The following APOB variants were observed in gnomAD, a reference collection of about 807,000 sequenced individuals.
The protein encoded by APOB is apolipoprotein B.
A neutral mutation model predicts 314.1 loss-of-function variants in APOB; 153 were observed. The ratio of observed to expected loss-of-function variants is 0.49; its 90% CI spans 0.43 to 0.56. The LOEUF is 0.56. Ranked by LOEUF, APOB falls within the 20% of genes least tolerant of loss-of-function variation. The pLI is 0.00. For missense variants in APOB, 5,430 were observed against 5,350.7 expected, an observed-to-expected ratio of 1.01 and a Z score of -0.46; for synonymous variants, 2,087 against 2,036.4, an observed-to-expected ratio of 1.02 and a Z score of -0.67.
At chr2:21,014,835 T>C (rs1445046948) in intron 23 of APOB, among the ~76,000 whole-genome samples, 1 of 152,238 alleles carries the variant, frequency 6.6e-6, no homozygotes, top group African/African-American at 2.4e-5. Context: ...CTTCCTTTGA[T>C]ACCACTAGGC....
Position 21,008,927 on chromosome 2 carries a change from T to C in APOB, c.7941A>G (p.Thr2647=), listed in dbSNP as rs1663226746. Residue 2647 remains threonine (T), a synonymous_variant, in exon 26 of 29, where the codon ACA becomes ACG. Transcript: ENST00000233242. The part of the protein sequence containing the change: ...KNIKIPSRFS[T]PEFTILNTFH... ...AGGTGTTAAGGATGGTAAATTCTGG[T>C]GTGGAAAACCTGGATGGGATTTTTA... 3 of 1,613,930 alleles carry C rather than the reference T, an allele frequency of 1.9e-6. No homozygotes were observed. Among genetic ancestry groups the C allele is most frequent in the Admixed American group, 1.7e-5 (1 of 60,000 alleles).
chr2:21,004,762 T>TA, intron 26 of APOB, 87 bp from the exon 27 acceptor site: 1 of 1,011,740 alleles, frequency 9.9e-7, no homozygotes, highest in South Asian at 1.3e-5. Context: ...AATTCTATCC[T>TA]AACCAGATAT....
In APOB at chr2:21,010,544, T is replaced by C; in HGVS notation, c.6324A>G (p.Val2108=). The change falls in exon 26 of 29, where the codon GTA becomes GTG. Residue 2108 remains valine (V), a synonymous_variant. Transcript: ENST00000233242. ...NLKHINIDQF[V]RKYRAALGKL... ...TTCCCAGGGCTGCTCTGTATTTTCT[T>C]ACAAATTGATCAATATTGATGTGCT... The C allele has an allele frequency of 6.2e-7, 1 of 1,610,136 alleles. No individual in the cohort carries two copies. Among genetic ancestry groups the C allele is most frequent in the Non-Finnish European group, 8.5e-7 (1 of 1,177,156 alleles).
At position 21,029,715 on chromosome 2, in the gene APOB, A is replaced by T; in HGVS notation, c.1541T>A (p.Val514Asp). 1 of 1,614,112 alleles carries T rather than the reference A, an allele frequency of 6.2e-7. No homozygotes were observed. Among genetic ancestry groups the T allele is most frequent in the Non-Finnish European group, 8.5e-7 (1 of 1,180,010 alleles). Residue 514 changes from valine to aspartate, a missense_variant, in exon 12 of 29, where the codon GTC becomes GAC. Val to Asp is a radical substitution (Grantham distance 152). This residue lies in a region of APOB where 2,085 missense variants were observed against 2,079.7 expected (regional missense o/e 1.00). Transcript: ENST00000233242. ...PELKSSILKC[V>D]QSTKPSLMIQ... is the part of the protein sequence containing the mutation. ...CATCAGTGATGGCTTTGTACTTTGG[A>T]CACATTTCAGGATTGAAGACTTGAG... is the stretch of plus-strand genomic sequence containing the variant.
chr2:21,014,377 TA>T, intron 24 of APOB, 70 bp downstream of exon 24: 1 of 1,567,958 alleles, frequency 6.4e-7, no homozygotes, highest in East Asian at 2.2e-5. Context: ...AAAAAATGTC[TA>T]AATCATGCTA....
rs1379227591 is a variant in APOB at position 21,010,581 on chromosome 2, T to C, written c.6287A>G (p.Gln2096Arg). ...QTIIVVLENV[Q>R]RNLKHINIDQ... is the part of the protein sequence containing the mutation. ...AATATTGATGTGCTTCAGGTTTCTC[T>C]GTACGTTTTCCAGTACAACTATAAT... Residue 2096 changes from glutamine to arginine, a missense_variant, in exon 26 of 29, where the codon CAG becomes CGG. Physicochemically the swap from Gln to Arg is conservative, Grantham distance 43. Coordinates refer to ENST00000233242, the MANE Select transcript of APOB (RefSeq NM_000384.3). 1 of 1,613,890 alleles carries C rather than the reference T, an allele frequency of 6.2e-7. No homozygotes were observed. Among genetic ancestry groups the C allele is most frequent in the Non-Finnish European group, 8.5e-7 (1 of 1,179,924 alleles).
intron 20 of APOB, among the ~76,000 whole-genome samples, chr2:21,018,759 T>G (rs1477924201): frequency 6.6e-6 from 1 of 152,244 alleles, no homozygotes; most frequent in Non-Finnish European, 1.5e-5. Flanking sequence ...GGTTGTTCAC[T>G]GTAACTTCCA....
chr2:21,018,556 C>T (rs1663529918), intron 20 of APOB, among the ~76,000 whole-genome samples: 1 of 152,140 alleles, frequency 6.6e-6, no homozygotes, highest in East Asian at 1.9e-4. Flanking sequence ...AACAGTCTTA[C>T]CACACGGCTT....
At position 21,029,625 on chromosome 2, in the gene APOB, C is replaced by G. The variant is rs763537000; in HGVS notation, c.1617+14G>C. On this transcript the variant is annotated intron_variant, in intron 12 of 28. Coordinates refer to ENST00000233242, the MANE Select transcript of APOB (RefSeq NM_000384.3). The stretch of plus-strand genomic sequence containing the variant: ...ATAAACTTTCACTTTCAGACCTCTT[C>G]TTGTGGACTTTACCTTGTCTTTAGG... 14 of 1,613,988 alleles carry G rather than the reference C, an allele frequency of 8.7e-6. No individual in the cohort carries two copies. The highest frequency in any genetic ancestry group is 8.3e-5 in the Admixed American group (5 of 60,014).
chr2:21,010,140 C>G lies in APOB; in HGVS notation c.6728G>C (p.Ser2243Thr). The G allele has an allele frequency of 1.2e-6, 2 of 1,606,980 alleles. No individual in the cohort carries two copies. Among genetic ancestry groups the G allele is most frequent in the Non-Finnish European group, 1.7e-6 (2 of 1,175,378 alleles). ...IENIDFNKSGSSTASWIQNVD... is the reference protein window; with the variant it reads ...IENIDFNKSGTSTASWIQNVD... ...ATTTTGAATCCAGGATGCAGTACTACTTCCACTTTTGTTAAAATCAATATT... is the reference window on the plus strand; with the variant it reads ...ATTTTGAATCCAGGATGCAGTACTAGTTCCACTTTTGTTAAAATCAATATT... The change falls in exon 26 of 29, where the codon AGT becomes ACT. Residue 2243 changes from serine to threonine, a missense_variant. Around this residue, in one of 3 missense-constraint regions of APOB, gnomAD observed 3,281 missense variants for 3,171.0 expected, o/e 1.03. Coordinates refer to ENST00000233242, the MANE Select transcript of APOB (RefSeq NM_000384.3).
At position 21,010,674 on chromosome 2, in the gene APOB, T is replaced by C. The variant is rs764440678; in HGVS notation, c.6194A>G (p.Asp2065Gly). ...VAFVKYDKNQ[D>G]VHSINLPFFE... ...AAATGGGAGGTTAATGGAGTGAACA[T>C]CTTGGTTTTTATCATACTTTACAAA... The change falls in exon 26 of 29, where the codon GAT (aspartate) becomes GGT (glycine). Residue 2065 changes from aspartate to glycine, a missense_variant. Physicochemically the swap from Asp to Gly is moderately conservative, Grantham distance 94. Transcript: ENST00000233242. 7 of 1,614,068 alleles carry C rather than the reference T, an allele frequency of 4.3e-6. No individual in the cohort carries two copies. In the East Asian group the frequency reaches 8.9e-5, roughly 21 times the overall value.
chr2:21,006,289 G>T lies in APOB; in HGVS notation c.10579C>A (p.Arg3527=). 1 of 1,613,988 alleles carries T rather than the reference G, an allele frequency of 6.2e-7. No individual in the cohort carries two copies. The highest frequency in any genetic ancestry group is 8.5e-7 in the Non-Finnish European group (1 of 1,179,958). The stretch of plus-strand genomic sequence containing the variant: ...GTGCCCTGCAGCTTCACTGAAGACC[G>T]TGTGCTCTTGGAATTCAAGTAAGTG... The part of the protein sequence containing the change: ...ANTYLNSKST[R]SSVKLQGTSK... Residue 3527 remains arginine (R), a synonymous_variant, in exon 26 of 29, where the codon CGG becomes AGG. Coordinates refer to ENST00000233242, the MANE Select transcript of APOB (RefSeq NM_000384.3).
intron 1 of APOB, 58 bp downstream of exon 1, chr2:21,043,806 C>T (rs1664196860): frequency 2.0e-6 from 3 of 1,530,248 alleles, no homozygotes; most frequent in Non-Finnish European, 2.6e-6. Context: ...CCCGGCCAAC[C>T]TCGTGCCGCC....
chr2:21,003,366 T>C (rs1277481653), intron 28 of APOB, 32 bp from the exon 29 acceptor site: 1 of 1,568,582 alleles, frequency 6.4e-7, no homozygotes, highest in South Asian at 1.1e-5. Context: ...AATAACATGT[T>C]TTCAATTACT....
In APOB at chr2:21,011,332, C is replaced by T. The variant is rs763927708; in HGVS notation, c.5536G>A (p.Ala1846Thr). Residue 1846 changes from alanine (A) to threonine (T), a missense_variant, in exon 26 of 29, where the codon GCC becomes ACC. Coordinates refer to ENST00000233242, the MANE Select transcript of APOB (RefSeq NM_000384.3). ...TCTGCTTTATAGCTTGCTGATAAGGCAGCAGAAGAGATGGCATAGATGTGT... is the reference window on the plus strand; with the variant it reads ...TCTGCTTTATAGCTTGCTGATAAGGTAGCAGAAGAGATGGCATAGATGTGT... The part of the protein sequence containing the change: ...IKHIYAISSA[A>T]LSASYKADTV... 1 of 1,614,182 alleles carries T rather than the reference C, an allele frequency of 6.2e-7. No individual in the cohort carries two copies. The highest frequency in any genetic ancestry group is 2.2e-5 in the East Asian group (1 of 44,884).
rs769732943 is a variant in APOB, at chr2:21,005,272, A to C, written c.11596T>G (p.Ser3866Ala). Residue 3866 changes from serine (S) to alanine (A), a missense_variant, in exon 26 of 29, where the codon TCC becomes GCC. By Grantham distance (99) the Ser-to-Ala change is moderately conservative. Coordinates refer to ENST00000233242, the MANE Select transcript of APOB (RefSeq NM_000384.3). ...CCAGCAGGTACAGAGAACTTAATGG[A>C]GGGAATCTCAATGGTCTGCTCAGGC... is the stretch of plus-strand genomic sequence containing the variant. ...IVPEQTIEIPSIKFSVPAGIV... is the reference protein window; with the variant it reads ...IVPEQTIEIPAIKFSVPAGIV... The C allele has an allele frequency of 6.2e-7, 1 of 1,613,978 alleles. No homozygotes were observed. The highest frequency in any genetic ancestry group is 1.7e-5 in the Admixed American group (1 of 59,988).
At position 21,008,837 on chromosome 2, in the gene APOB, G is replaced by A. The variant is rs986080944; in HGVS notation, c.8031C>T (p.Asp2677=). The A allele has an allele frequency of 1.2e-6, 2 of 1,613,934 alleles. No homozygotes were observed. Among genetic ancestry groups the A allele is most frequent in the African/African-American group, 1.3e-5 (1 of 74,914 alleles). Residue 2677 remains aspartate, a synonymous_variant, in exon 26 of 29, where the codon GAC becomes GAT. Coordinates refer to ENST00000233242, the MANE Select transcript of APOB (RefSeq NM_000384.3). Reference sequence around the variant, plus strand: ...ACTGCAGCTCACTGTTCAGCATCTGGTCAATGGTTCTGATGATCTTTACTT... The same window carrying A: ...ACTGCAGCTCACTGTTCAGCATCTGATCAATGGTTCTGATGATCTTTACTT... ...EMKVKIIRTI[D]QMLNSELQWP...
intron 6 of APOB, 97 bp downstream of exon 6, chr2:21,037,003 G>T (rs1377392094): frequency 2.0e-6 from 3 of 1,484,264 alleles, no homozygotes; most frequent in Non-Finnish European, 2.8e-6. Context: ...GCCAGGGCAG[G>T]CTGTCCTCAA....
rs756744012 is a variant in APOB at position 21,009,881 on chromosome 2, T to C, written c.6987A>G (p.Glu2329=). The C allele has an allele frequency of 6.2e-7, 1 of 1,614,014 alleles. No individual in the cohort carries two copies. Among genetic ancestry groups the C allele is most frequent in the Non-Finnish European group, 8.5e-7 (1 of 1,179,920 alleles). ...TGAAGGCATTGATTTTCTCAGCTACTTCAAAATCCCCAATAAGATTTATAA... is the reference window on the plus strand; with the variant it reads ...TGAAGGCATTGATTTTCTCAGCTACCTCAAAATCCCCAATAAGATTTATAA... ...HFVINLIGDF[E]VAEKINAFRA... The change falls in exon 26 of 29, where the codon GAA becomes GAG. Residue 2329 remains glutamate (E), a synonymous_variant. Transcript: ENST00000233242.
Sources: gnomAD v4.1 joint callset for allele counts (sites outside exome capture counted in the v4.1 genomes callset) on GRCh38, gnomAD v4.1.1 for gene constraint, gnomAD v4.1.1 regional missense constraint, MANE v1.5 for transcripts, NCBI Gene and HGNC (gene_info 2026-07-23, HGNC 2026-07-21) for gene names.